ARL15: variants seen among roughly 807,000 people sequenced by gnomAD.
ARL15 encodes the protein ARF like GTPase 15.
Under a neutral mutation model 25.2 loss-of-function variants are expected in ARL15, and 19 were observed. The ratio of observed to expected loss-of-function variants is 0.75; its 90% CI spans 0.53 to 1.10. The LOEUF (loss-of-function observed/expected upper bound fraction) is 1.10, where lower values mean the gene tolerates loss of function less well. Among genes scored for constraint, ARL15 ranks in the 50% least tolerant of loss-of-function variants. The pLI, the probability that ARL15 is intolerant of heterozygous loss-of-function variation, is 0.00. For synonymous variants in ARL15, 94 were observed against 86.8 expected, an observed-to-expected ratio of 1.08 and a Z score of -0.46; for missense variants, 220 against 246.0, an observed-to-expected ratio of 0.89 and a Z score of 0.71.
intron 4 of ARL15, among the ~76,000 whole-genome samples, chr5:53,993,130 TA>T (rs1188832623): frequency 6.6e-6 from 1 of 152,100 alleles, no homozygotes; most frequent in African/African-American, 2.4e-5. Flanking sequence ...TGATGTTAAG[TA>T]GAAATGTGTC....
At position 54,130,083 on chromosome 5, in the gene ARL15, A is replaced by G. The variant is rs1020395020; in HGVS notation, c.254-16673T>C. 1.2e-3 allele frequency among the ~76,000 whole-genome samples: 183 copies of G among 152,238 alleles called. 2 individuals carry two copies. The highest frequency in any genetic ancestry group is 8.8e-4 in the Non-Finnish European group (60 of 68,014). On this transcript the variant is annotated intron_variant, in intron 3 of 4. Transcript: ENST00000504924. ...GGGAGACCTCGTCTCTACAAAAAGTAAAAAATCAGCCAGATATGGTGGCAC... is the reference window on the plus strand; with the variant it reads ...GGGAGACCTCGTCTCTACAAAAAGTGAAAAATCAGCCAGATATGGTGGCAC...
chr5:54,126,323 C>A (rs184701264), intron 3 of ARL15, among the ~76,000 whole-genome samples: 115 of 152,220 alleles, frequency 7.6e-4, no homozygotes, highest in African/African-American at 2.7e-3. Context: ...TCAATTTGTC[C>A]CCAAATAAAC....
At chr5:53,950,847 T>C (rs17250527) in intron 4 of ARL15, among the ~76,000 whole-genome samples, 11,683 of 152,054 alleles carry the variant, frequency 0.077, 567 homozygotes, top group East Asian at 0.18. Context: ...AACTGCAGAG[T>C]GAAAGTAAGT....
chr5:53,894,671 C>G lies in ARL15; in HGVS notation c.463-7958G>C, dbSNP rs568661023. Among the ~76,000 whole-genome samples the G allele has an allele frequency of 2.0e-5, 3 of 152,250 alleles. No homozygotes were observed. The East Asian group carries it at 5.8e-4, about 29-fold the overall frequency. On this transcript the variant is annotated intron_variant, in intron 4 of 4. Transcript: ENST00000504924. ...TCCCATATCTGTACCCTTCTCTACT[C>G]CAGTTATTCTATCAGGCCCTCTACA...
intron 4 of ARL15, among the ~76,000 whole-genome samples, chr5:53,964,508 C>A (rs890263654): frequency 1.3e-5 from 2 of 152,066 alleles, no homozygotes; most frequent in Non-Finnish European, 1.5e-5. Flanking sequence ...TACAGGCGCC[C>A]ACCACCATGC....
intron 4 of ARL15, among the ~76,000 whole-genome samples, chr5:54,090,372 G>A (rs1446513622): frequency 6.6e-6 from 1 of 151,658 alleles, no homozygotes; most frequent in East Asian, 1.9e-4. Flanking sequence ...ATATAAGATG[G>A]CTATTACATA....
chr5:54,156,218 T>A (rs750493254), intron 2 of ARL15, among the ~76,000 whole-genome samples: 19 of 152,178 alleles, frequency 1.2e-4, no homozygotes, highest in Non-Finnish European at 2.5e-4. Flanking sequence ...CCTAAAGCAG[T>A]ACATAGTATA....
At chr5:54,143,239 T>G (rs112851641) in intron 3 of ARL15, among the ~76,000 whole-genome samples, 7 of 152,110 alleles carry the variant, frequency 4.6e-5, no homozygotes, top group Non-Finnish European at 8.8e-5. Context: ...CTGTTGACTT[T>G]ACATTTCTCT....
rs192300039 is a variant in ARL15, at chr5:54,009,659, T to C, written c.462+103543A>G. Among the ~76,000 whole-genome samples the C allele has an allele frequency of 2.0e-5, 3 of 152,336 alleles. No individual in the cohort carries two copies. In the East Asian group the frequency reaches 5.8e-4, roughly 29 times the overall value. On this transcript the variant is annotated intron_variant, in intron 4 of 4. Coordinates refer to ENST00000504924, the MANE Select transcript of ARL15 (RefSeq NM_019087.3). ...TTCAGCAAACATGCAGTTGACTTTT[T>C]CTATAAGAACAATAATTGCTGCACT...
chr5:53,916,039 T>C (rs1745635382), intron 4 of ARL15, among the ~76,000 whole-genome samples: 1 of 152,118 alleles, frequency 6.6e-6, no homozygotes, highest in African/African-American at 2.4e-5. Context: ...CCCAAGTAAC[T>C]GGGACTGCAG....
At chr5:54,172,916 A>T (rs951775997) in intron 1 of ARL15, among the ~76,000 whole-genome samples, 3 of 152,162 alleles carry the variant, frequency 2.0e-5, no homozygotes, top group Admixed American at 6.6e-5. Context: ...GCTCTGCAAG[A>T]GTTAAAGACA....
chr5:54,006,524 T>C (rs2448), intron 4 of ARL15, among the ~76,000 whole-genome samples: 42,695 of 151,664 alleles, frequency 0.28, 6,230 homozygotes, highest in East Asian at 0.45. Context: ...TCCCTAATCA[T>C]GCTGCAACCA....
At chr5:53,944,347 G>A (rs772327761) in intron 4 of ARL15, among the ~76,000 whole-genome samples, 4 of 152,038 alleles carry the variant, frequency 2.6e-5, no homozygotes, top group Admixed American at 6.6e-5. Flanking sequence ...ACAGTTGTTC[G>A]CACCTGTAAT....
intron 1 of ARL15, among the ~76,000 whole-genome samples, chr5:54,203,550 G>A (rs944514576): frequency 6.6e-6 from 1 of 151,966 alleles, no homozygotes; most frequent in Admixed American, 6.6e-5. Flanking sequence ...TAAAGTCTTT[G>A]AAAGTATGAG....
rs766402440 is a variant in ARL15, at chr5:54,154,651, A to C, written c.194-12T>G. The C allele has an allele frequency of 6.8e-6, 10 of 1,479,658 alleles. No homozygotes were observed. The South Asian group carries it at 1.3e-4, about 20-fold the overall frequency. The allele number at this position is 1,479,658 out of a possible 1,614,324, so 91.7% of individuals were successfully genotyped here. On this transcript the variant is annotated splice_polypyrimidine_tract_variant and intron_variant, in intron 2 of 4. Coordinates refer to ENST00000504924, the MANE Select transcript of ARL15 (RefSeq NM_019087.3). Reference sequence around the variant, plus strand: ...TTTAATACTAAAACCTAAAATTAGAAAACAAAAACATAAAAAAAGAATTAG... The same window carrying C: ...TTTAATACTAAAACCTAAAATTAGACAACAAAAACATAAAAAAAGAATTAG...
chr5:54,011,796 G>A (rs1749250650), intron 4 of ARL15, among the ~76,000 whole-genome samples: 1 of 152,070 alleles, frequency 6.6e-6, no homozygotes, highest in African/African-American at 2.4e-5. Flanking sequence ...GGATCTCGAG[G>A]TCAAGAGATC....
intron 1 of ARL15, among the ~76,000 whole-genome samples, chr5:54,239,227 T>G (rs1756889284): frequency 1.1e-5 from 1 of 95,138 alleles, no homozygotes; most frequent in Middle Eastern, 5.1e-3. Context: ...CTTTTATGAA[T>G]GCCATTTTTT....
At chr5:53,977,719 C>T (rs1747986106) in intron 4 of ARL15, among the ~76,000 whole-genome samples, 1 of 152,056 alleles carries the variant, frequency 6.6e-6, no homozygotes, top group Non-Finnish European at 1.5e-5. Context: ...GAAATTAGAG[C>T]AGAAAAGTCT....
intron 2 of ARL15, among the ~76,000 whole-genome samples, chr5:54,155,236 T>G (rs1223355081): frequency 6.6e-6 from 1 of 152,246 alleles, no homozygotes; most frequent in African/African-American, 2.4e-5. Flanking sequence ...AATGTCACTC[T>G]GCAACTTTTA....
Sources: allele counts gnomAD v4.1 joint callset (sites outside exome capture counted in the v4.1 genomes callset), GRCh38; gene constraint gnomAD v4.1.1; transcripts MANE v1.5; gene names NCBI Gene and HGNC (gene_info 2026-07-23, HGNC 2026-07-21).